The following SGMS1 variants were observed in gnomAD, a reference collection of about 807,000 sequenced individuals.
SGMS1 encodes the protein sphingomyelin synthase 1, also known as phosphatidylcholine:ceramide cholinephosphotransferase 1.
Under a neutral mutation model 46.2 loss-of-function variants are expected in SGMS1, and 13 were observed. The ratio of observed to expected loss-of-function variants is 0.28; its 90% CI spans 0.18 to 0.45. SGMS1 has a LOEUF of 0.45. SGMS1 is among the 20% of genes least tolerant of loss of function. The pLI is 1.00. For synonymous variants in SGMS1, 203 were observed against 187.8 expected (o/e 1.08, Z -0.66); for missense variants, 324 against 519.9 (o/e 0.62, Z 3.66).
intron 7 of SGMS1, among the ~76,000 whole-genome samples, chr10:50,336,692 T>C (rs895616558): frequency 6.6e-6 from 1 of 152,154 alleles, no homozygotes; most frequent in African/African-American, 2.4e-5. Context: ...ATGCCTATAA[T>C]ACCAGGAAAT....
At chr10:50,388,791 TAAAAC>T (rs976063606) in intron 6 of SGMS1, among the ~76,000 whole-genome samples, 2 of 152,060 alleles carry the variant, frequency 1.3e-5, no homozygotes, top group Admixed American at 6.6e-5. Flanking sequence ...AAAACAATAA[TAAAAC>T]AAAACACCTG....
At chr10:50,396,469 G>A (rs1413656532) in intron 6 of SGMS1, among the ~76,000 whole-genome samples, 3 of 152,134 alleles carry the variant, frequency 2.0e-5, no homozygotes, top group Non-Finnish European at 4.4e-5. Context: ...ATTCAGGACC[G>A]TGGAAGGGGG....
At chr10:50,503,315 C>T (rs928656740) in intron 3 of SGMS1, among the ~76,000 whole-genome samples, 1 of 152,210 alleles carries the variant, frequency 6.6e-6, no homozygotes, top group Non-Finnish European at 1.5e-5. Context: ...CTAAGTGTAG[C>T]GGAGTGAGAC....
At chr10:50,544,266 A>T (rs1005904180) in intron 2 of SGMS1, among the ~76,000 whole-genome samples, 1 of 152,210 alleles carries the variant, frequency 6.6e-6, no homozygotes, top group Non-Finnish European at 1.5e-5. Flanking sequence ...GAGGAAACTG[A>T]AGCCCAGAAA....
At chr10:50,617,529 C>A (rs1317075805) in intron 1 of SGMS1, among the ~76,000 whole-genome samples, 2 of 152,186 alleles carry the variant, frequency 1.3e-5, no homozygotes, top group Non-Finnish European at 2.9e-5. Context: ...TCAAGCTGTA[C>A]ACTTTGAATG....
At chr10:50,445,210 G>A (rs750744656) in intron 5 of SGMS1, among the ~76,000 whole-genome samples, 7 of 152,182 alleles carry the variant, frequency 4.6e-5, no homozygotes, top group Non-Finnish European at 1.0e-4. Context: ...AAAAGCAAGA[G>A]TTGGCAAAGA....
chr10:50,413,466 T>G (rs562953388), intron 6 of SGMS1, among the ~76,000 whole-genome samples: 1 of 152,234 alleles, frequency 6.6e-6, no homozygotes, highest in Non-Finnish European at 1.5e-5. Flanking sequence ...AGATTGGCAT[T>G]CAAATGTCAG....
intron 3 of SGMS1, among the ~76,000 whole-genome samples, chr10:50,484,984 A>G (rs1373763502): frequency 6.6e-6 from 1 of 152,216 alleles, no homozygotes; most frequent in Non-Finnish European, 1.5e-5. Context: ...GAAAACCAGC[A>G]CAAGACAAGG....
At chr10:50,426,777 T>C (rs1197417477) in intron 6 of SGMS1, among the ~76,000 whole-genome samples, 1 of 152,226 alleles carries the variant, frequency 6.6e-6, no homozygotes, top group Non-Finnish European at 1.5e-5. Context: ...CTATGAGCTA[T>C]TGATTTCACT....
At chr10:50,480,630 G>A (rs1035301724) in intron 3 of SGMS1, among the ~76,000 whole-genome samples, 5 of 151,856 alleles carry the variant, frequency 3.3e-5, no homozygotes, top group Non-Finnish European at 5.9e-5. Flanking sequence ...CTGTGCAACC[G>A]TGGATCTGGA....
intron 2 of SGMS1, among the ~76,000 whole-genome samples, chr10:50,588,498 T>C (rs527704425): frequency 2.0e-5 from 3 of 152,354 alleles, no homozygotes; most frequent in South Asian, 2.1e-4. Flanking sequence ...ACTGTAATCA[T>C]AGCTGAACAT....
chr10:50,363,300 C>G (rs1848283553), intron 6 of SGMS1, among the ~76,000 whole-genome samples: 1 of 152,154 alleles, frequency 6.6e-6, no homozygotes, highest in African/African-American at 2.4e-5. Context: ...GGTGACGGAT[C>G]TGGCAGGCCC....
chr10:50,509,039 T>C (rs1837731735), intron 3 of SGMS1, among the ~76,000 whole-genome samples: 1 of 152,176 alleles, frequency 6.6e-6, no homozygotes, highest in Non-Finnish European at 1.5e-5. Context: ...CTCAACTGAG[T>C]TGACTACTGA....
chr10:50,487,622 T>C (rs760471617), intron 3 of SGMS1, among the ~76,000 whole-genome samples: 6 of 152,350 alleles, frequency 3.9e-5, no homozygotes, highest in Admixed American at 6.5e-5. Context: ...AATTCATTCA[T>C]TTTATAAGTT....
At chr10:50,357,598 C>T (rs1404886508) in intron 6 of SGMS1, among the ~76,000 whole-genome samples, 2 of 152,144 alleles carry the variant, frequency 1.3e-5, no homozygotes, top group Admixed American at 1.3e-4. Flanking sequence ...CCCAGTGTCT[C>T]AGTTTCCTAG....
At chr10:50,581,792 C>T (rs1838437340) in intron 2 of SGMS1, among the ~76,000 whole-genome samples, 1 of 152,210 alleles carries the variant, frequency 6.6e-6, no homozygotes, top group Non-Finnish European at 1.5e-5. Context: ...TCAGACACCA[C>T]ATCCTCCATC....
chr10:50,353,394 C>G lies in SGMS1; in HGVS notation c.-231-9049G>C, dbSNP rs559046518. ...CCTTTGACAAAATTCAACAACCCTT[C>G]ATGCTAAAAACTCTCAATATATTAG... On this transcript the variant is annotated intron_variant, in intron 6 of 10. Coordinates refer to ENST00000361781, the MANE Select transcript of SGMS1 (RefSeq NM_147156.4). Among the ~76,000 whole-genome samples, 523 of 152,336 alleles carry G rather than the reference C, an allele frequency of 3.4e-3. 2 individuals are homozygous for G. Among genetic ancestry groups the G allele is most frequent in the African/African-American group, 0.012 (503 of 41,522 alleles).
chr10:50,496,227 A>C (rs759805027), intron 3 of SGMS1, among the ~76,000 whole-genome samples: 1 of 152,212 alleles, frequency 6.6e-6, no homozygotes. Flanking sequence ...TTCTGGTATA[A>C]ATAATTCTTT....
At chr10:50,530,227 A>G (rs1837940919) in intron 2 of SGMS1, among the ~76,000 whole-genome samples, 1 of 152,206 alleles carries the variant, frequency 6.6e-6, no homozygotes, top group Admixed American at 6.5e-5. Context: ...CTTATAGTCA[A>G]TTAAACTGTA....
Sources: gnomAD v4.1 joint callset for allele counts (sites outside exome capture counted in the v4.1 genomes callset) on GRCh38, gnomAD v4.1.1 for gene constraint, MANE v1.5 for transcripts, NCBI Gene and HGNC (gene_info 2026-07-23, HGNC 2026-07-21) for gene names.